Variants in CCDC7 observed in about 807,000 individuals in gnomAD.
CCDC7 encodes coiled-coil domain containing 7, also known as coiled-coil domain-containing protein 7.
A neutral mutation model predicts 196.9 loss-of-function variants in CCDC7; 183 were observed. The ratio of observed to expected loss-of-function variants is 0.93; its 90% CI spans 0.82 to 1.05. The LOEUF (loss-of-function observed/expected upper bound fraction) is 1.05. Ranked by LOEUF, CCDC7 falls within the 50% of genes least tolerant of loss-of-function variation. The pLI is 0.00. For synonymous variants in CCDC7, 525 were observed against 484.6 expected (o/e 1.08, Z -1.10); for missense variants, 1,540 against 1,482.2 (o/e 1.04, Z -0.64).
In CCDC7 at chr10:32,682,068, C is replaced by T. The variant is rs147310402; in HGVS notation, c.2123-3902C>T. On this transcript the variant is annotated intron_variant, in intron 21 of 41. Coordinates refer to ENST00000639629, the Ensembl canonical transcript of CCDC7. ...AAGTGGTACACTTGCAGGTTTATTA[C>T]ATGGCTATATTGTGTATTGCTGGAG... Among the ~76,000 whole-genome samples, 1,068 of 152,164 alleles carry T rather than the reference C, an allele frequency of 7.0e-3. 11 individuals carry two copies. The highest frequency in any genetic ancestry group is 0.025 in the African/African-American group (1,019 of 41,514).
At chr10:32,606,676 C>G (rs938859482) in intron 18 of CCDC7, among the ~76,000 whole-genome samples, 31 of 152,150 alleles carry the variant, frequency 2.0e-4, no homozygotes, top group African/African-American at 7.0e-4. Flanking sequence ...TTGTATGGGG[C>G]CTGTCATCCT....
intron 13 of CCDC7, among the ~76,000 whole-genome samples, chr10:32,545,624 G>C (rs1196997022): frequency 6.6e-6 from 1 of 152,148 alleles, no homozygotes; most frequent in East Asian, 1.9e-4. Context: ...CGTATGTCTG[G>C]GCAGGATGCG....
intron 30 of CCDC7, among the ~76,000 whole-genome samples, chr10:32,807,227 C>G (rs2086025653): frequency 6.6e-6 from 1 of 152,090 alleles, no homozygotes; most frequent in African/African-American, 2.4e-5. Context: ...TATAAATATA[C>G]TTCACTTCTT....
chr10:32,752,945 A>G (rs2075879592), intron 28 of CCDC7, among the ~76,000 whole-genome samples: 1 of 152,146 alleles, frequency 6.6e-6, no homozygotes, highest in African/African-American at 2.4e-5. Context: ...TGACTTGTTC[A>G]CATGTGCTAA....
At chr10:32,685,913 A>G in intron 21 of CCDC7, 57 bp from the exon 23 acceptor site, 1 of 1,022,920 alleles carries the variant, frequency 9.8e-7, no homozygotes, top group Non-Finnish European at 1.4e-6. Flanking sequence ...AAACACAGAA[A>G]TTTCACAAAA....
At chr10:32,776,170 T>C (rs1190604600) in intron 28 of CCDC7, among the ~76,000 whole-genome samples, 3 of 148,710 alleles carry the variant, frequency 2.0e-5, no homozygotes, top group African/African-American at 7.4e-5. Flanking sequence ...CTGGGAGATA[T>C]ACCTAATGCT....
At chr10:32,540,223 T>A (rs2051183063) in intron 11 of CCDC7, among the ~76,000 whole-genome samples, 1 of 152,168 alleles carries the variant, frequency 6.6e-6, no homozygotes, top group East Asian at 1.9e-4. Flanking sequence ...TGTGTATATG[T>A]TTAGAATAGT....
chr10:32,846,313 C>T (rs553041079), intron 36 of CCDC7, 63 bp from the exon 38 acceptor site: 27 of 955,338 alleles, frequency 2.8e-5, no homozygotes, highest in South Asian at 7.4e-5. Flanking sequence ...TAAACACACA[C>T]GTATACACAT....
At chr10:32,492,676 G>A (rs776308916) in intron 9 of CCDC7, among the ~76,000 whole-genome samples, 3 of 152,028 alleles carry the variant, frequency 2.0e-5, no homozygotes, top group African/African-American at 7.2e-5. Context: ...TGGTTGCCAG[G>A]GGGTACAGGA....
At chr10:32,608,155 T>C (rs2061722159) in intron 18 of CCDC7, among the ~76,000 whole-genome samples, 1 of 151,786 alleles carries the variant, frequency 6.6e-6, no homozygotes. Context: ...TATTGTAATG[T>C]GTCTTTTTTC....
intron 9 of CCDC7, among the ~76,000 whole-genome samples, chr10:32,498,897 G>A (rs1003484285): frequency 5.3e-5 from 8 of 150,756 alleles, no homozygotes; most frequent in African/African-American, 9.8e-5. Context: ...TATCTTTGTC[G>A]TGTTCTCTGT....
chr10:32,759,765 G>A (rs987659378), intron 28 of CCDC7, among the ~76,000 whole-genome samples: 7 of 152,158 alleles, frequency 4.6e-5, no homozygotes, highest in African/African-American at 1.7e-4. Flanking sequence ...AAACTGAAGA[G>A]CTTCTGCACA....
intron 29 of CCDC7, among the ~76,000 whole-genome samples, chr10:32,784,679 C>T (rs1372210192): frequency 1.3e-5 from 2 of 151,396 alleles, no homozygotes; most frequent in African/African-American, 4.8e-5. Flanking sequence ...TCAAGCGATT[C>T]TCCTGCCTCA....
At chr10:32,874,713 AAAT>A (rs901280701) in intron 41 of CCDC7, among the ~76,000 whole-genome samples, 51 of 150,204 alleles carry the variant, frequency 3.4e-4, no homozygotes, top group African/African-American at 1.2e-3. Context: ...GTGCATATAT[AAAT>A]AAAACTTTTA....
intron 21 of CCDC7, among the ~76,000 whole-genome samples, chr10:32,679,222 G>A (rs1310451903): frequency 1.3e-5 from 2 of 152,124 alleles, no homozygotes; most frequent in African/African-American, 2.4e-5. Flanking sequence ...GCCAATAATT[G>A]TCTCTTAAAG....
At chr10:32,798,242 G>A (rs758375063) in intron 29 of CCDC7, among the ~76,000 whole-genome samples, 1 of 152,170 alleles carries the variant, frequency 6.6e-6, no homozygotes, top group Non-Finnish European at 1.5e-5. Context: ...TGATCACCCC[G>A]AGGAATGGTG....
intron 33 of CCDC7, among the ~76,000 whole-genome samples, chr10:32,838,063 TTAAAA>T (rs1277984641): frequency 2.6e-5 from 4 of 152,024 alleles, no homozygotes; most frequent in African/African-American, 9.7e-5. Flanking sequence ...ACCTTAGAAC[TTAAAA>T]TATAATACAA....
chr10:32,781,410 A>T (rs1371771948), intron 29 of CCDC7, among the ~76,000 whole-genome samples: 1 of 152,212 alleles, frequency 6.6e-6, no homozygotes, highest in Admixed American at 6.5e-5. Flanking sequence ...TCAACAAAAT[A>T]TTAGTAAATA....
chr10:32,737,327 G>A (rs1323546206), intron 28 of CCDC7, among the ~76,000 whole-genome samples: 2 of 151,954 alleles, frequency 1.3e-5, no homozygotes, highest in East Asian at 1.9e-4. Flanking sequence ...TTTTCTTATA[G>A]TACCTTTATC....
Sources: gnomAD v4.1 joint callset for allele counts (sites outside exome capture counted in the v4.1 genomes callset) on GRCh38, gnomAD v4.1.1 for gene constraint, MANE v1.5 for transcripts, NCBI Gene and HGNC (gene_info 2026-07-23, HGNC 2026-07-21) for gene names.